MINDY3: variants seen among roughly 807,000 people sequenced by gnomAD.
MINDY3 encodes the protein MINDY lysine 48 deubiquitinase 3.
Under a neutral mutation model 69.2 loss-of-function variants are expected in MINDY3, and 38 were observed. The observed-to-expected ratio is 0.55, with a 90% CI of 0.42 to 0.72. The LOEUF is 0.72. MINDY3 is among the 30% of genes least tolerant of loss of function. MINDY3 has a pLI of 0.00. For missense variants in MINDY3, 522 were observed against 519.0 expected, an observed-to-expected ratio of 1.01 and a Z score of -0.06; for synonymous variants, 192 against 180.1, an observed-to-expected ratio of 1.07 and a Z score of -0.53.
chr10:15,842,465 T>C (rs919207611), intron 3 of MINDY3, among the ~76,000 whole-genome samples: 1 of 151,872 alleles, frequency 6.6e-6, no homozygotes, highest in African/African-American at 2.4e-5. Context: ...TCAAATAGTT[T>C]CTTCTCTACT....
chr10:15,786,209 T>C (rs1836944728), intron 13 of MINDY3, among the ~76,000 whole-genome samples: 2 of 152,192 alleles, frequency 1.3e-5, no homozygotes, highest in Admixed American at 1.3e-4. Context: ...CACAGCCACC[T>C]TGACCTCTTC....
At chr10:15,856,117 AG>A (rs2132154131) in intron 1 of MINDY3, among the ~76,000 whole-genome samples, 1 of 152,230 alleles carries the variant, frequency 6.6e-6, no homozygotes, top group South Asian at 2.1e-4. Context: ...TGTGATCCAC[AG>A]TATTAGCTTC....
intron 6 of MINDY3, 122 bp downstream of exon 6, chr10:15,837,082 G>A (rs1014224331): frequency 4.9e-5 from 29 of 588,826 alleles, no homozygotes; most frequent in African/African-American, 1.4e-4. Context: ...CATTTTCAAC[G>A]TAAAAGATTT....
chr10:15,807,227 G>A (rs1448982158), intron 10 of MINDY3, among the ~76,000 whole-genome samples: 4 of 152,130 alleles, frequency 2.6e-5, no homozygotes, highest in East Asian at 1.9e-4. Context: ...TAATCCTTAC[G>A]TTCCAACAGT....
At chr10:15,838,161 T>G (rs1354209661) in intron 5 of MINDY3, 67 bp downstream of exon 5, 6 of 1,517,032 alleles carry the variant, frequency 4.0e-6, no homozygotes. Flanking sequence ...CTTTCCACAG[T>G]ATGAACAGAC....
chr10:15,856,332 C>A (rs1274054290), intron 1 of MINDY3, among the ~76,000 whole-genome samples: 1 of 150,970 alleles, frequency 6.6e-6, no homozygotes, highest in African/African-American at 2.4e-5. Context: ...TTTCATATTA[C>A]GTAACAAAAA....
chr10:15,841,151 C>G (rs1833437870), intron 4 of MINDY3, among the ~76,000 whole-genome samples: 1 of 150,986 alleles, frequency 6.6e-6, no homozygotes, highest in African/African-American at 2.4e-5. Context: ...AATAAGAGTT[C>G]TAAAGCTCAA....
At chr10:15,801,045 G>C (rs1266340615) in intron 10 of MINDY3, among the ~76,000 whole-genome samples, 2 of 152,160 alleles carry the variant, frequency 1.3e-5, no homozygotes, top group African/African-American at 4.8e-5. Flanking sequence ...AAAATATCAA[G>C]GTAACAGGAG....
At position 15,849,348 on chromosome 10, in the gene MINDY3, G is replaced by A. The variant is rs181311303; in HGVS notation, c.95-1405C>T. 2.5e-3 allele frequency among the ~76,000 whole-genome samples: 373 copies of A among 152,234 alleles called. 3 individuals carry two copies. The highest frequency in any genetic ancestry group is 9.3e-3 in the East Asian group (48 of 5,180). ...AGGATGGAGGTGCCAGCAAATGGGC[G>A]GCAGGAAAGATGACAAGTGGTTAAT... On this transcript the variant is annotated intron_variant, in intron 1 of 14. Transcript: ENST00000277632.
intron 10 of MINDY3, among the ~76,000 whole-genome samples, chr10:15,816,126 T>A (rs540877173): frequency 1.7e-4 from 26 of 151,632 alleles, no homozygotes; most frequent in African/African-American, 6.3e-4. Context: ...CTGGGTGTGG[T>A]GGCATGCACC....
intron 2 of MINDY3, among the ~76,000 whole-genome samples, chr10:15,847,466 T>C (rs1353216427): frequency 6.6e-6 from 1 of 152,204 alleles, no homozygotes; most frequent in South Asian, 2.1e-4. Context: ...CAGAAAAATA[T>C]GAAATCACCT....
rs776029935 is a variant in MINDY3, at chr10:15,834,500, A to T, written c.650+43T>A. 2.4e-5 allele frequency: 33 copies of T among 1,381,436 alleles called. No homozygotes were observed. In the South Asian group the frequency reaches 3.9e-4, roughly 16 times the overall value. The allele number at this position is 1,381,436 out of a possible 1,614,324, so 85.6% of individuals were successfully genotyped here. On this transcript the variant is annotated intron_variant, in intron 7 of 14. Transcript: ENST00000277632. ...TTTTATCTGAAGTCAAGTTTCTAAAAACTGGAGTTCACATGAGGAGACAAG... is the reference window on the plus strand; with the variant it reads ...TTTTATCTGAAGTCAAGTTTCTAAATACTGGAGTTCACATGAGGAGACAAG...
chr10:15,837,858 T>G (rs1336229567), intron 5 of MINDY3: 1 of 956,702 alleles, frequency 1.0e-6, no homozygotes, highest in Admixed American at 6.2e-5. Context: ...ATCGGTATTC[T>G]TAATAAAAGG....
At chr10:15,785,540 C>G (rs1836889893) in intron 13 of MINDY3, among the ~76,000 whole-genome samples, 1 of 152,000 alleles carries the variant, frequency 6.6e-6, no homozygotes, top group Admixed American at 6.6e-5. Context: ...TATTATTAAT[C>G]CAGATATCCA....
intron 13 of MINDY3, among the ~76,000 whole-genome samples, chr10:15,783,055 CCTT>C (rs1564448849): frequency 6.6e-6 from 1 of 152,242 alleles, no homozygotes; most frequent in Admixed American, 6.5e-5. Context: ...ACATGGCCCT[CCTT>C]AGAATTTTTT....
chr10:15,853,271 T>C (rs901995859), intron 1 of MINDY3, among the ~76,000 whole-genome samples: 6 of 152,112 alleles, frequency 3.9e-5, no homozygotes, highest in Admixed American at 3.3e-4. Context: ...AGAGAGACTT[T>C]TAAAGGTGGT....
intron 5 of MINDY3, 54 bp downstream of exon 5, chr10:15,838,174 A>C: frequency 6.4e-7 from 1 of 1,554,216 alleles, no homozygotes. Context: ...GAACAGACTT[A>C]AAGTGGCAAT....
intron 8 of MINDY3, among the ~76,000 whole-genome samples, chr10:15,831,010 A>C (rs545823998): frequency 6.6e-6 from 1 of 152,224 alleles, no homozygotes; most frequent in Admixed American, 6.5e-5. Flanking sequence ...AAAGATATAT[A>C]GTTCTTCTAA....
At chr10:15,781,133 T>A (rs1836497056) in intron 14 of MINDY3, among the ~76,000 whole-genome samples, 1 of 152,102 alleles carries the variant, frequency 6.6e-6, no homozygotes, top group Non-Finnish European at 1.5e-5. Context: ...TATATATACA[T>A]GCAAAGAATA....
Sources: gnomAD v4.1 joint callset for allele counts (sites outside exome capture counted in the v4.1 genomes callset) on GRCh38, gnomAD v4.1.1 for gene constraint, MANE v1.5 for transcripts, NCBI Gene and HGNC (gene_info 2026-07-23, HGNC 2026-07-21) for gene names.